The following GABRB2 variants were observed in gnomAD, a reference collection of about 807,000 sequenced individuals.
The protein encoded by GABRB2 is gamma-aminobutyric acid type A receptor subunit beta2.
Under a neutral mutation model 54.7 loss-of-function variants are expected in GABRB2, and 16 were observed. The ratio of observed to expected loss-of-function variants is 0.29; its 90% confidence interval spans 0.20 to 0.44. GABRB2 has a LOEUF of 0.44. GABRB2 is among the 20% of genes least tolerant of loss of function. The pLI is 1.00. For synonymous variants in GABRB2, 244 were observed against 233.8 expected, an observed-to-expected ratio of 1.04 and a Z score of -0.40; for missense variants, 355 against 644.0, an observed-to-expected ratio of 0.55 and a Z score of 4.86.
At chr5:161,477,284 CAA>C (rs70990786) in intron 3 of GABRB2, among the ~76,000 whole-genome samples, 1,679 of 127,724 alleles carry the variant, frequency 0.013, 13 homozygotes, top group African/African-American at 0.018. Flanking sequence ...CAAACAAAAG[CAA>C]AAAAAAAAAA....
At chr5:161,322,157 T>C (rs141576579) in intron 9 of GABRB2, among the ~76,000 whole-genome samples, 4 of 152,108 alleles carry the variant, frequency 2.6e-5, no homozygotes, top group Non-Finnish European at 5.9e-5. Flanking sequence ...AATAAAAATA[T>C]GGGGTAATAA....
At chr5:161,471,890 A>G (rs1051538741) in intron 3 of GABRB2, among the ~76,000 whole-genome samples, 3 of 151,944 alleles carry the variant, frequency 2.0e-5, no homozygotes, top group Admixed American at 1.3e-4. Flanking sequence ...TCTGTACCCA[A>G]TGTTAATACT....
At chr5:161,311,538 G>A (rs373485485) in intron 9 of GABRB2, among the ~76,000 whole-genome samples, 17 of 152,290 alleles carry the variant, frequency 1.1e-4, no homozygotes, top group African/African-American at 3.1e-4. Flanking sequence ...TAGGTTTCCT[G>A]TTCTTAAACC....
chr5:161,478,043 A>C (rs954338220), intron 3 of GABRB2, among the ~76,000 whole-genome samples: 3 of 152,018 alleles, frequency 2.0e-5, no homozygotes, highest in African/African-American at 7.2e-5. Flanking sequence ...CTACGTAGTT[A>C]TTTAGCAAAC....
chr5:161,339,533 T>A (rs1561613955), intron 5 of GABRB2, among the ~76,000 whole-genome samples: 1 of 151,944 alleles, frequency 6.6e-6, no homozygotes, highest in Non-Finnish European at 1.5e-5. Context: ...AGGTGACACA[T>A]AAAAACACTG....
chr5:161,360,075 T>G (rs1356824551), intron 5 of GABRB2, among the ~76,000 whole-genome samples: 3 of 85,300 alleles, frequency 3.5e-5, no homozygotes, highest in African/African-American at 9.0e-5. Flanking sequence ...ACAGCGAGAC[T>G]CCGTCTAAAA....
At chr5:161,382,264 A>G (rs1333629988) in intron 5 of GABRB2, among the ~76,000 whole-genome samples, 1 of 152,188 alleles carries the variant, frequency 6.6e-6, no homozygotes, top group Non-Finnish European at 1.5e-5. Context: ...AGCCAACTGG[A>G]AAGTCTGGAG....
intron 3 of GABRB2, among the ~76,000 whole-genome samples, chr5:161,525,375 T>C (rs1281190076): frequency 6.6e-6 from 1 of 151,376 alleles, no homozygotes; most frequent in Admixed American, 6.6e-5. Context: ...AATTTTTAGA[T>C]TGGAAAATAA....
chr5:161,390,084 C>T (rs1561633432), intron 5 of GABRB2, among the ~76,000 whole-genome samples: 1 of 152,016 alleles, frequency 6.6e-6, no homozygotes, highest in Non-Finnish European at 1.5e-5. Context: ...AGTGTGAAAT[C>T]AATTTGCATA....
intron 5 of GABRB2, among the ~76,000 whole-genome samples, chr5:161,355,415 CAT>C (rs1372034611): frequency 2.0e-5 from 3 of 149,940 alleles, no homozygotes; most frequent in Non-Finnish European, 4.4e-5. Context: ...GTATATATAA[CAT>C]ATATACATGC....
intron 8 of GABRB2, chr5:161,329,624 C>G (rs534888117): frequency 6.6e-6 from 1 of 152,268 alleles, no homozygotes; most frequent in South Asian, 2.1e-4. Flanking sequence ...TTATACTTTG[C>G]TATCCTTGAA....
chr5:161,442,530 C>T (rs1278055260), intron 4 of GABRB2, among the ~76,000 whole-genome samples: 5 of 152,166 alleles, frequency 3.3e-5, no homozygotes, highest in Non-Finnish European at 7.3e-5. Context: ...CATCAGGGAT[C>T]TCCTCTTGTC....
At chr5:161,399,363 G>A (rs759779196) in intron 5 of GABRB2, among the ~76,000 whole-genome samples, 6 of 152,056 alleles carry the variant, frequency 3.9e-5, no homozygotes, top group South Asian at 2.1e-4. Flanking sequence ...GGTTCTAAAC[G>A]TGATCCAGAC....
chr5:161,412,958 T>A (rs1458284958), intron 4 of GABRB2, among the ~76,000 whole-genome samples: 2 of 152,210 alleles, frequency 1.3e-5, no homozygotes, highest in Non-Finnish European at 2.9e-5. Context: ...CAGGCTGGAA[T>A]GCATTGGCAC....
At chr5:161,470,401 A>T (rs765495374) in intron 3 of GABRB2, among the ~76,000 whole-genome samples, 2 of 152,006 alleles carry the variant, frequency 1.3e-5, no homozygotes, top group Non-Finnish European at 2.9e-5. Context: ...CATACCCAAG[A>T]TAAGTTTAAA....
At chr5:161,307,226 G>A (rs1007657856) in intron 9 of GABRB2, among the ~76,000 whole-genome samples, 13 of 152,022 alleles carry the variant, frequency 8.6e-5, no homozygotes, top group African/African-American at 2.4e-4. Context: ...CTGATCAGGC[G>A]CCCCATTATA....
intron 5 of GABRB2, among the ~76,000 whole-genome samples, chr5:161,396,800 A>T (rs933770460): frequency 3.3e-5 from 5 of 152,210 alleles, no homozygotes; most frequent in African/African-American, 1.2e-4. Flanking sequence ...GTTATAAAAA[A>T]TAGCTTAACA....
chr5:161,450,269 A>T (rs1466493560), intron 4 of GABRB2, among the ~76,000 whole-genome samples: 2 of 152,136 alleles, frequency 1.3e-5, no homozygotes, highest in African/African-American at 4.8e-5. Flanking sequence ...ACAACTAGGG[A>T]CCCACGTAGC....
chr5:161,514,774 G>A (rs1469384523), intron 3 of GABRB2, among the ~76,000 whole-genome samples: 1 of 152,086 alleles, frequency 6.6e-6, no homozygotes, highest in Non-Finnish European at 1.5e-5. Flanking sequence ...CATACCACTC[G>A]AAATTCTAGT....
Sources: allele counts gnomAD v4.1 joint callset (sites outside exome capture counted in the v4.1 genomes callset), GRCh38; gene constraint gnomAD v4.1.1; transcripts MANE v1.5; gene names NCBI Gene and HGNC (gene_info 2026-07-23, HGNC 2026-07-21).